Variants in GRHL2 observed in about 807,000 individuals in gnomAD.
GRHL2 encodes grainyhead-like protein 2 homolog.
Under a neutral mutation model 83.8 loss-of-function variants are expected in GRHL2, and 21 were observed. The ratio of observed to expected loss-of-function variants is 0.25; its 90% confidence interval spans 0.18 to 0.36. The LOEUF is 0.36. GRHL2 is among the 10% of genes least tolerant of loss of function. The probability of loss-of-function intolerance (pLI) is 1.00; values close to 1 mark genes in which losing one functional copy is unlikely to be tolerated. For missense variants in GRHL2, 623 were observed against 781.8 expected (o/e 0.80, Z 2.42); for synonymous variants, 280 against 278.9 (o/e 1.00, Z -0.04).
chr8:101,648,683 T>G (rs1375806538), intron 13 of GRHL2, among the ~76,000 whole-genome samples: 1 of 152,162 alleles, frequency 6.6e-6, no homozygotes, highest in East Asian at 1.9e-4. Flanking sequence ...TCCCCTTGTC[T>G]CGGACAGTGC....
At chr8:101,614,464 A>C (rs1812814829) in intron 8 of GRHL2, among the ~76,000 whole-genome samples, 1 of 146,364 alleles carries the variant, frequency 6.8e-6, no homozygotes, top group South Asian at 2.1e-4. Flanking sequence ...ATATTATATG[A>C]GCATTTGTAA....
At chr8:101,553,901 C>G (rs949756636) in intron 3 of GRHL2, among the ~76,000 whole-genome samples, 2 of 152,242 alleles carry the variant, frequency 1.3e-5, no homozygotes, top group African/African-American at 4.8e-5. Flanking sequence ...GCTGGGATTA[C>G]AGGTGTGGGC....
At chr8:101,574,217 C>T (rs545748495) in intron 6 of GRHL2, among the ~76,000 whole-genome samples, 441 of 152,344 alleles carry the variant, frequency 2.9e-3, no homozygotes, top group Middle Eastern at 6.8e-3. Context: ...ATGCAGTTCA[C>T]TCTGAATCCC....
intron 1 of GRHL2, among the ~76,000 whole-genome samples, chr8:101,512,548 C>T (rs1389962918): frequency 1.3e-5 from 2 of 152,288 alleles, no homozygotes; most frequent in African/African-American, 2.4e-5. Flanking sequence ...GATCTCAGCT[C>T]ACTGCAACCT....
At chr8:101,637,482 C>T (rs573815460) in intron 12 of GRHL2, among the ~76,000 whole-genome samples, 1 of 152,336 alleles carries the variant, frequency 6.6e-6, no homozygotes, top group East Asian at 1.9e-4. Context: ...CAGAGACTCC[C>T]AATGTCTCCA....
chr8:101,575,264 T>C (rs1392310478), intron 6 of GRHL2, among the ~76,000 whole-genome samples: 1 of 152,166 alleles, frequency 6.6e-6, no homozygotes, highest in Admixed American at 6.5e-5. Context: ...ATACACCCTC[T>C]TAACATCATT....
chr8:101,631,634 C>G lies in GRHL2; in HGVS notation c.1258-3C>G. The G allele has an allele frequency of 1.2e-6, 2 of 1,612,290 alleles. No individual in the cohort carries two copies. The highest frequency in any genetic ancestry group is 1.7e-6 in the Non-Finnish European group (2 of 1,178,742). ...TTTTCTGTATTTGTTTTTTTCCTAT[C>G]AGGGAGCAGAAAGAAAAATCCGAGA... On this transcript the variant is annotated splice_polypyrimidine_tract_variant and splice_region_variant and intron_variant, in intron 9 of 15. Coordinates refer to ENST00000646743, the MANE Select transcript of GRHL2 (RefSeq NM_024915.4).
intron 2 of GRHL2, among the ~76,000 whole-genome samples, chr8:101,545,938 G>C (rs565273784): frequency 3.9e-5 from 5 of 129,034 alleles, no homozygotes; most frequent in African/African-American, 1.2e-4. Flanking sequence ...CTGGAGTGCA[G>C]TGGCACGATC....
At chr8:101,659,693 C>T (rs1813877379) in intron 14 of GRHL2, among the ~76,000 whole-genome samples, 1 of 152,164 alleles carries the variant, frequency 6.6e-6, no homozygotes, top group South Asian at 2.1e-4. Context: ...GGAGACATGA[C>T]AAACAGTGCA....
rs147199005 is a variant in GRHL2 at position 101,649,388 on chromosome 8, G to A, written c.1613-26G>A. ...TGGAATTGTGCAGCCCCTCGGTCAC[G>A]TGGCTCTCTTGCCCATCTCTTCCAG... is the stretch of plus-strand genomic sequence containing the variant. On this transcript the variant is annotated intron_variant, in intron 13 of 15. Transcript: ENST00000646743. 1.4e-4 allele frequency: 217 copies of A among 1,590,032 alleles called. 2 individuals are homozygous for A. The East Asian group carries it at 3.5e-3, about 26-fold the overall frequency.
At chr8:101,631,485 C>T (rs1813185033) in intron 9 of GRHL2, 152 bp from the exon 10 acceptor site, 1 of 699,686 alleles carries the variant, frequency 1.4e-6, no homozygotes, top group African/African-American at 1.8e-5. Context: ...CTTTCAGAGC[C>T]AAACCCAACC....
intron 1 of GRHL2, chr8:101,528,641 A>C (rs1222394910): frequency 1.1e-5 from 2 of 189,864 alleles, no homozygotes. Flanking sequence ...ACTGGAGAAC[A>C]GAAAGCAGCA....
intron 8 of GRHL2, among the ~76,000 whole-genome samples, chr8:101,607,583 G>A (rs1586139478): frequency 6.6e-6 from 1 of 152,204 alleles, no homozygotes; most frequent in Non-Finnish European, 1.5e-5. Flanking sequence ...AGGCGATCTT[G>A]TGGAAAATTA....
rs557999722 is a variant in GRHL2, at chr8:101,604,200, T to C, written c.1098+5049T>C. Among the ~76,000 whole-genome samples, 3 of 152,242 alleles carry C rather than the reference T, an allele frequency of 2.0e-5. No individual in the cohort carries two copies. The South Asian group carries it at 6.2e-4, about 32-fold the overall frequency. ...AATTTTTTAATTTTCTTTCTCTCCT[T>C]ACCCAAACACCGATACCTAAGAAGT... On this transcript the variant is annotated intron_variant, in intron 8 of 15. Transcript: ENST00000646743.
chr8:101,499,454 C>T (rs931861105), intron 1 of GRHL2, among the ~76,000 whole-genome samples: 1 of 145,948 alleles, frequency 6.9e-6, no homozygotes, highest in Non-Finnish European at 1.5e-5. Flanking sequence ...TTTTTTTCCT[C>T]CCATATTAAC....
At chr8:101,535,430 G>A (rs190413281) in intron 1 of GRHL2, among the ~76,000 whole-genome samples, 206 of 152,296 alleles carry the variant, frequency 1.4e-3, no homozygotes, top group Middle Eastern at 3.4e-3. Flanking sequence ...CAGGACAAAG[G>A]CCAGTGACTG....
intron 9 of GRHL2, among the ~76,000 whole-genome samples, chr8:101,628,211 T>C (rs1372703216): frequency 1.3e-5 from 2 of 152,114 alleles, no homozygotes; most frequent in African/African-American, 4.8e-5. Flanking sequence ...AAGGAGAGGC[T>C]GACTTTCTCG....
intron 2 of GRHL2, among the ~76,000 whole-genome samples, chr8:101,550,286 G>T (rs1392644098): frequency 6.6e-6 from 1 of 151,854 alleles, no homozygotes; most frequent in Admixed American, 6.6e-5. Context: ...TTTGGGATAC[G>T]ACTGTGCCCA....
the GRHL2 span, among the ~76,000 whole-genome samples, chr8:101,677,429 AC>A: frequency 6.7e-6 from 1 of 148,190 alleles, no homozygotes; most frequent in African/African-American, 2.6e-5. Flanking sequence ...CTCCACCCCC[AC>A]GCCTACCTCC....
Sources: allele counts gnomAD v4.1 joint callset (sites outside exome capture counted in the v4.1 genomes callset), GRCh38; gene constraint gnomAD v4.1.1; transcripts MANE v1.5; gene names NCBI Gene and HGNC (gene_info 2026-07-23, HGNC 2026-07-21).